Variants in PPP2R1B observed in about 807,000 individuals in gnomAD.
PPP2R1B encodes protein phosphatase 2 scaffold subunit Abeta, also known as serine/threonine-protein phosphatase 2A 65 kDa regulatory subunit A beta isoform.
Under a neutral mutation model 72.7 loss-of-function variants are expected in PPP2R1B, and 58 were observed. The ratio of observed to expected loss-of-function variants is 0.80; its 90% CI spans 0.65 to 0.99. PPP2R1B has a LOEUF of 0.99. Among genes scored for constraint, PPP2R1B ranks in the 50% least tolerant of loss-of-function variants. The pLI, the probability that PPP2R1B is intolerant of heterozygous loss-of-function variation, is 0.00. For synonymous variants in PPP2R1B, 256 were observed against 264.6 expected (o/e 0.97, Z 0.32); for missense variants, 695 against 733.6 (o/e 0.95, Z 0.61).
In PPP2R1B at chr11:111,755,078, C is replaced by A; in HGVS notation, c.860G>T (p.Gly287Val). The A allele has an allele frequency of 6.2e-7, 1 of 1,611,606 alleles. No homozygotes were observed. The highest frequency in any genetic ancestry group is 8.5e-7 in the Non-Finnish European group (1 of 1,178,352). Residue 287 changes from glycine (G) to valine (V), a missense_variant, in exon 7 of 15, where the codon GGT becomes GTT. Gly to Val is a moderately radical substitution (Grantham distance 109). Coordinates refer to ENST00000527614, the MANE Select transcript of PPP2R1B (RefSeq NM_002716.5). ...GAGGTCATTTAGGGTGATTTTAGGA[C>A]CCATGGCTTTCTGGAGCTATAAAAG... ...DRFSELQKAM[G>V]PKITLNDLIP...
chr11:111,747,596 T>G (rs1203423052), intron 11 of PPP2R1B, among the ~76,000 whole-genome samples: 1 of 152,116 alleles, frequency 6.6e-6, no homozygotes, highest in Non-Finnish European at 1.5e-5. Context: ...GATTCCAATC[T>G]CCATACAACC....
At chr11:111,759,570 C>A (rs1945247378) in intron 5 of PPP2R1B, among the ~76,000 whole-genome samples, 1 of 152,184 alleles carries the variant, frequency 6.6e-6, no homozygotes, top group Non-Finnish European at 1.5e-5. Flanking sequence ...CTCCCATTTC[C>A]TCTCTGACTC....
At chr11:111,700,555 G>A in the PPP2R1B span, among the ~76,000 whole-genome samples, 9 of 152,186 alleles carry the variant, frequency 5.9e-5, no homozygotes, top group African/African-American at 2.2e-4. Flanking sequence ...TCAGGTAATT[G>A]AAATTCTAAG....
the PPP2R1B span, chr11:111,719,976 A>C: frequency 1.2e-6 from 2 of 1,614,058 alleles, no homozygotes; most frequent in Admixed American, 3.3e-5. Context: ...AGAAGTGACC[A>C]ATCAACTGGT....
chr11:111,719,897 G>C, the PPP2R1B span: 85 of 1,614,178 alleles, frequency 5.3e-5, no homozygotes, highest in East Asian at 1.8e-3. Flanking sequence ...GAGAGGCCGA[G>C]GAAGACCCCG....
At chr11:111,715,663 C>T in the PPP2R1B span, among the ~76,000 whole-genome samples, 14 of 152,174 alleles carry the variant, frequency 9.2e-5, no homozygotes, top group South Asian at 2.9e-3. Context: ...AACTGAGATC[C>T]ACAGATGACA....
the PPP2R1B span, among the ~76,000 whole-genome samples, chr11:111,706,200 C>G: frequency 7.2e-5 from 11 of 152,208 alleles, no homozygotes; most frequent in African/African-American, 2.2e-4. Flanking sequence ...TTGTGAAATA[C>G]TATATGCCTG....
the PPP2R1B span, chr11:111,701,455 A>G: frequency 6.2e-7 from 1 of 1,613,522 alleles, no homozygotes; most frequent in Non-Finnish European, 8.5e-7. The surrounding 1 kb of genome is among the most constrained non-coding windows in gnomAD (Gnocchi z 4.2). Context: ...TCCCTAGAGT[A>G]TGGGAGTTGT....
chr11:111,746,302 G>GA (rs1305187631), intron 11 of PPP2R1B, among the ~76,000 whole-genome samples: 1 of 152,168 alleles, frequency 6.6e-6, no homozygotes, highest in Non-Finnish European at 1.5e-5. Flanking sequence ...CATAAAAAAG[G>GA]AATGAGTTCA....
Position 111,761,027 on chromosome 11 carries a change from C to A in PPP2R1B, c.331G>T (p.Val111Leu). The A allele has an allele frequency of 6.2e-7, 1 of 1,614,150 alleles. No homozygotes were observed. Among genetic ancestry groups the A allele is most frequent in the Non-Finnish European group, 8.5e-7 (1 of 1,180,024 alleles). The change falls in exon 4 of 15, where the codon GTG (valine) becomes TTG (leucine). Residue 111 changes from valine (V) to leucine (L), a missense_variant. By Grantham distance (32) the Val-to-Leu change is conservative. Coordinates refer to ENST00000527614, the MANE Select transcript of PPP2R1B (RefSeq NM_002716.5). Reference sequence around the variant, plus strand: ...TTGTCACGAACAACAGTCTCTTCCACAGTTGCCAGATTTTCCAAAGGAGGC... The same window carrying A: ...TTGTCACGAACAACAGTCTCTTCCAAAGTTGCCAGATTTTCCAAAGGAGGC... ...LLPPLENLAT[V>L]EETVVRDKAV...
Position 111,739,059 on chromosome 11 carries a change from A to C in PPP2R1B, c.*2537T>G. 1.0e-6 allele frequency: 1 copy of C among 985,484 alleles called. No homozygotes were observed. Among genetic ancestry groups the C allele is most frequent in the Non-Finnish European group, 1.2e-6 (1 of 829,938 alleles). 61.0% of individuals were successfully genotyped at this position (985,484 alleles called of 1,614,324 possible). On this transcript the variant is annotated 3_prime_UTR_variant, in exon 15 of 15. Transcript: ENST00000527614. ...AGCCAGGGGACCAGAAAAGGGCCAC[A>C]TAAAGCTTGTTTCCTGAAAGCAGGA...
the PPP2R1B span, chr11:111,700,820 A>G: frequency 1.3e-6 from 2 of 1,579,518 alleles, no homozygotes; most frequent in African/African-American, 1.4e-5. Flanking sequence ...TAGAAAATTT[A>G]TTACAGAGAA....
intron 15 of PPP2R1B, chr11:111,729,718 C>T (rs1944119675): frequency 6.6e-6 from 1 of 152,258 alleles, no homozygotes; most frequent in Admixed American, 6.5e-5. Flanking sequence ...GATATTGTTC[C>T]CACAACCTTA....
intron 7 of PPP2R1B, 52 bp from the exon 8 acceptor site, chr11:111,754,621 G>A (rs1945033614): frequency 1.3e-6 from 2 of 1,569,288 alleles, no homozygotes; most frequent in Non-Finnish European, 1.7e-6. Flanking sequence ...TTTACAAAGA[G>A]CCAAATGAGG....
intron 15 of PPP2R1B, chr11:111,728,726 A>C (rs996432746): frequency 6.6e-6 from 1 of 152,156 alleles, no homozygotes; most frequent in African/African-American, 2.4e-5. Context: ...CAGGAGATTG[A>C]GACCATCCTA....
chr11:111,727,398 G>A (rs971313040), intron 15 of PPP2R1B: 11 of 308,812 alleles, frequency 3.6e-5, no homozygotes, highest in African/African-American at 6.2e-5. Flanking sequence ...TGTTTAAACC[G>A]TATGCTGGAG....
At chr11:111,765,894 G>A (rs981048761) in intron 1 of PPP2R1B, 12 of 499,382 alleles carry the variant, frequency 2.4e-5, no homozygotes, top group African/African-American at 3.9e-5. Flanking sequence ...CTCCAGCCCC[G>A]TCTCGGCCTG....
the PPP2R1B span, among the ~76,000 whole-genome samples, chr11:111,694,201 T>C: frequency 1.3e-5 from 2 of 152,216 alleles, no homozygotes; most frequent in African/African-American, 4.8e-5. Context: ...AGCCTTAAAA[T>C]TTTAATAGCC....
At chr11:111,698,473 G>A in the PPP2R1B span, among the ~76,000 whole-genome samples, 8 of 152,218 alleles carry the variant, frequency 5.3e-5, no homozygotes, top group Non-Finnish European at 8.8e-5. Flanking sequence ...GCCAGGTGGT[G>A]GCTCACACCT....
Sources: allele counts gnomAD v4.1 joint callset (sites outside exome capture counted in the v4.1 genomes callset), GRCh38; gene constraint gnomAD v4.1.1; non-coding constraint Gnocchi (gnomAD v3.1); transcripts MANE v1.5; gene names NCBI Gene and HGNC (gene_info 2026-07-23, HGNC 2026-07-21).